The following ADAMTS12 variants were observed in gnomAD, a reference collection of about 807,000 sequenced individuals.
ADAMTS12 encodes the protein ADAM metallopeptidase with thrombospondin type 1 motif 12, also known as A disintegrin and metalloproteinase with thrombospondin motifs 12.
A neutral mutation model predicts 167.8 loss-of-function variants in ADAMTS12; 118 were observed. The observed-to-expected ratio is 0.70, with a 90% CI of 0.61 to 0.82. ADAMTS12 has a LOEUF of 0.82. ADAMTS12 is among the 40% of genes least tolerant of loss of function. ADAMTS12 has a pLI of 0.00. For missense variants in ADAMTS12, 1,916 were observed against 1,998.8 expected, an observed-to-expected ratio of 0.96 and a Z score of 0.79; for synonymous variants, 704 against 716.9, an observed-to-expected ratio of 0.98 and a Z score of 0.29.
intron 2 of ADAMTS12, among the ~76,000 whole-genome samples, chr5:33,784,395 G>A (rs1746257213): frequency 6.6e-6 from 1 of 151,690 alleles, no homozygotes; most frequent in South Asian, 2.1e-4. Flanking sequence ...ATGCAAATTG[G>A]AAACAAAGTA....
intron 14 of ADAMTS12, among the ~76,000 whole-genome samples, chr5:33,623,733 C>T (rs1168476127): frequency 6.6e-6 from 1 of 152,176 alleles, no homozygotes; most frequent in Non-Finnish European, 1.5e-5. Flanking sequence ...CCCTGCCTTG[C>T]TTCTCTTTTG....
At chr5:33,726,217 T>C (rs1383700233) in intron 3 of ADAMTS12, among the ~76,000 whole-genome samples, 1 of 152,164 alleles carries the variant, frequency 6.6e-6, no homozygotes, top group Admixed American at 6.5e-5. Context: ...GAAGGGAAAG[T>C]GTCCAGGGGA....
intron 3 of ADAMTS12, among the ~76,000 whole-genome samples, chr5:33,729,899 T>TA (rs1744119589): frequency 6.6e-6 from 1 of 152,262 alleles, no homozygotes; most frequent in Admixed American, 6.5e-5. Flanking sequence ...GAATCACTGA[T>TA]ACACAGCATG....
chr5:33,879,785 A>G (rs1661987285), intron 2 of ADAMTS12, among the ~76,000 whole-genome samples: 1 of 152,258 alleles, frequency 6.6e-6, no homozygotes. Context: ...ATTTTCTCAC[A>G]GTATTCTAGC....
At chr5:33,753,821 G>A (rs777089393) in intron 2 of ADAMTS12, among the ~76,000 whole-genome samples, 10 of 152,274 alleles carry the variant, frequency 6.6e-5, no homozygotes, top group Admixed American at 2.6e-4. Flanking sequence ...CAGGGTGCAC[G>A]CGGAAAATCA....
At chr5:33,724,420 T>C (rs2112340827) in intron 3 of ADAMTS12, among the ~76,000 whole-genome samples, 1 of 152,284 alleles carries the variant, frequency 6.6e-6, no homozygotes, top group East Asian at 1.9e-4. Flanking sequence ...CATACTTTTC[T>C]GTCCATATCT....
intron 1 of ADAMTS12, among the ~76,000 whole-genome samples, chr5:33,889,997 A>T (rs1750785638): frequency 6.6e-6 from 1 of 152,208 alleles, no homozygotes; most frequent in Admixed American, 6.5e-5. Context: ...ATAAATATAT[A>T]TATCACCAAT....
intron 2 of ADAMTS12, among the ~76,000 whole-genome samples, chr5:33,784,419 G>T (rs1251785650): frequency 6.6e-6 from 1 of 151,740 alleles, no homozygotes; most frequent in African/African-American, 2.4e-5. Flanking sequence ...CTCTTTTATA[G>T]ACAATATAAT....
chr5:33,530,585 A>G (rs567910334), intron 23 of ADAMTS12, among the ~76,000 whole-genome samples: 3 of 152,148 alleles, frequency 2.0e-5, no homozygotes, highest in Non-Finnish European at 2.9e-5. Flanking sequence ...TGAGTGCTCT[A>G]GGGTTGCTGG....
intron 16 of ADAMTS12, among the ~76,000 whole-genome samples, chr5:33,606,155 C>G (rs548317995): frequency 1.3e-5 from 2 of 152,308 alleles, no homozygotes; most frequent in South Asian, 2.1e-4. Context: ...ACCATGTTGG[C>G]CAGGCTGGTC....
intron 2 of ADAMTS12, among the ~76,000 whole-genome samples, chr5:33,861,942 G>A (rs1303473359): frequency 2.0e-5 from 3 of 152,046 alleles, no homozygotes; most frequent in East Asian, 1.9e-4. Context: ...GGTAAATAAC[G>A]AAATAAAGGC....
chr5:33,582,262 T>C (rs1747104254), intron 18 of ADAMTS12, among the ~76,000 whole-genome samples: 1 of 152,190 alleles, frequency 6.6e-6, no homozygotes, highest in Non-Finnish European at 1.5e-5. Flanking sequence ...CCAGGAACCC[T>C]GGCAGAGCAC....
intron 22 of ADAMTS12, among the ~76,000 whole-genome samples, chr5:33,545,754 C>T (rs1024432958): frequency 7.3e-5 from 11 of 150,996 alleles, no homozygotes; most frequent in South Asian, 2.1e-4. Context: ...AGCAAACTAT[C>T]GCAAGGACAA....
chr5:33,709,142 A>C (rs897445989), intron 3 of ADAMTS12, among the ~76,000 whole-genome samples: 6 of 152,214 alleles, frequency 3.9e-5, no homozygotes, highest in Non-Finnish European at 7.3e-5. Flanking sequence ...GCAAATCGAA[A>C]CCACAATGAG....
intron 3 of ADAMTS12, among the ~76,000 whole-genome samples, chr5:33,727,305 AAGAG>A (rs2112345981): frequency 6.6e-6 from 1 of 151,582 alleles, no homozygotes; most frequent in African/African-American, 2.4e-5. Context: ...TCAGTTATTC[AAGAG>A]AGGGTCCATT....
Position 33,576,757 on chromosome 5 carries a change from G to A in ADAMTS12, c.3269C>T (p.Pro1090Leu). The A allele has an allele frequency of 3.7e-6, 6 of 1,614,208 alleles. No homozygotes were observed. Among genetic ancestry groups the A allele is most frequent in the Non-Finnish European group, 5.1e-6 (6 of 1,180,038 alleles). Residue 1090 changes from proline to leucine, a missense_variant, in exon 19 of 24, where the codon CCC becomes CTC. By Grantham distance (98) the Pro-to-Leu change is moderately conservative (BLOSUM62 -3). Transcript: ENST00000504830. ...GCTCAAGGATTGGGAAGTGAGGATGGGCTGGGAAGTGCTTCCAGTGGAAAT... is the reference window on the plus strand; with the variant it reads ...GCTCAAGGATTGGGAAGTGAGGATGAGCTGGGAAGTGCTTCCAGTGGAAAT... Reference protein sequence around the residue: ...YLISTGSTSQPILTSQSLSIQ... With the variant: ...YLISTGSTSQLILTSQSLSIQ...
chr5:33,827,203 G>T, intron 2 of ADAMTS12, among the ~76,000 whole-genome samples: 1 of 56,730 alleles, frequency 1.8e-5, no homozygotes, highest in Admixed American at 1.6e-4. Flanking sequence ...TGGGCAGAGG[G>T]ACACAAGTCG....
At chr5:33,705,302 T>TGCGC (rs1554036494) in intron 3 of ADAMTS12, among the ~76,000 whole-genome samples, 14 of 147,646 alleles carry the variant, frequency 9.5e-5, no homozygotes, top group African/African-American at 3.5e-4. Flanking sequence ...TGTGTGTGTG[T>TGCGC]GCGTGTATAC....
intron 19 of ADAMTS12, among the ~76,000 whole-genome samples, chr5:33,563,448 A>C (rs1407275965): frequency 3.9e-5 from 6 of 152,088 alleles, no homozygotes; most frequent in Admixed American, 3.3e-4. Flanking sequence ...CTGCTATGAA[A>C]CTAAACCTGG....
Sources: gnomAD v4.1 joint callset for allele counts (sites outside exome capture counted in the v4.1 genomes callset) on GRCh38, gnomAD v4.1.1 for gene constraint, MANE v1.5 for transcripts, NCBI Gene and HGNC (gene_info 2026-07-23, HGNC 2026-07-21) for gene names.